Variants in GLRA3 observed in about 807,000 individuals in gnomAD.
GLRA3 encodes glycine receptor alpha 3.
GLRA3 carries 44 observed loss-of-function variants against 60.4 expected under a neutral mutation model. The ratio of observed to expected loss-of-function variants is 0.73; its 90% CI spans 0.57 to 0.94. The LOEUF (loss-of-function observed/expected upper bound fraction) is 0.94. GLRA3 is among the 40% of genes least tolerant of loss of function. The probability of loss-of-function intolerance (pLI) is 0.00; values close to 1 mark genes in which losing one functional copy is unlikely to be tolerated. For synonymous variants in GLRA3, 223 were observed against 192.9 expected (o/e 1.16, Z -1.29); for missense variants, 508 against 564.6 (o/e 0.90, Z 1.02).
At chr4:174,736,682 G>A (rs1457490333) in intron 3 of GLRA3, among the ~76,000 whole-genome samples, 1 of 152,138 alleles carries the variant, frequency 6.6e-6, no homozygotes, top group Non-Finnish European at 1.5e-5. Flanking sequence ...GGGCCTTTTT[G>A]AGAGAATTAT....
chr4:174,759,521 C>A (rs1462890316), intron 3 of GLRA3, among the ~76,000 whole-genome samples: 1 of 152,052 alleles, frequency 6.6e-6, no homozygotes, highest in Non-Finnish European at 1.5e-5. Flanking sequence ...CCCCAGTGCT[C>A]ATCTTTATAT....
At chr4:174,726,125 C>CTAGG (rs1425770996) in intron 4 of GLRA3, among the ~76,000 whole-genome samples, 2 of 152,174 alleles carry the variant, frequency 1.3e-5, no homozygotes, top group Non-Finnish European at 2.9e-5. Flanking sequence ...CTCAGAACTG[C>CTAGG]TAGGTGATGT....
chr4:174,819,803 T>A (rs1367981176), intron 1 of GLRA3, among the ~76,000 whole-genome samples: 1 of 152,158 alleles, frequency 6.6e-6, no homozygotes, highest in Non-Finnish European at 1.5e-5. Flanking sequence ...GAGATTCTGA[T>A]CCCAGAACTC....
At chr4:174,710,560 C>T (rs4695953) in intron 5 of GLRA3, among the ~76,000 whole-genome samples, 32,399 of 152,054 alleles carry the variant, frequency 0.21, 3,822 homozygotes, top group South Asian at 0.33. Flanking sequence ...ATTGTCTCCG[C>T]TCTTGGAAAT....
At chr4:174,710,157 G>A (rs1020263016) in intron 5 of GLRA3, among the ~76,000 whole-genome samples, 2 of 151,630 alleles carry the variant, frequency 1.3e-5, no homozygotes, top group African/African-American at 4.8e-5. Flanking sequence ...CTCTTTTGGT[G>A]GTCGTTTTCT....
intron 5 of GLRA3, among the ~76,000 whole-genome samples, chr4:174,688,706 G>T (rs1734664583): frequency 6.6e-6 from 1 of 151,190 alleles, no homozygotes; most frequent in African/African-American, 2.4e-5. Flanking sequence ...CTTATATGTT[G>T]AAGGTAGTTG....
chr4:174,729,794 G>A (rs1736484020), intron 3 of GLRA3, among the ~76,000 whole-genome samples: 1 of 152,204 alleles, frequency 6.6e-6, no homozygotes. Context: ...AGCCAAGGCT[G>A]AAGATACTCA....
chr4:174,721,711 A>G (rs1736135959), intron 4 of GLRA3, among the ~76,000 whole-genome samples: 1 of 151,510 alleles, frequency 6.6e-6, no homozygotes. Flanking sequence ...ATATCTATAT[A>G]TCTAAGACAG....
intron 2 of GLRA3, 128 bp downstream of exon 2, chr4:174,788,688 G>C (rs1739215298): frequency 7.8e-6 from 4 of 509,580 alleles, no homozygotes; most frequent in Admixed American, 4.1e-5. Flanking sequence ...AGACACCTTG[G>C]TGACTAATGC....
At chr4:174,818,499 C>G (rs1164675647) in intron 1 of GLRA3, among the ~76,000 whole-genome samples, 1 of 152,136 alleles carries the variant, frequency 6.6e-6, no homozygotes, top group East Asian at 1.9e-4. Context: ...AAACCTAATT[C>G]TCCACTATAG....
chr4:174,752,122 G>C (rs985000025), intron 3 of GLRA3, among the ~76,000 whole-genome samples: 9 of 152,080 alleles, frequency 5.9e-5, no homozygotes, highest in Non-Finnish European at 1.2e-4. Flanking sequence ...AATATGAAAA[G>C]AAGTAAAGTA....
rs1732653707 is a variant in GLRA3, at chr4:174,642,601, T to G, written c.*1185A>C. ...AATCCCATGGGGTCATTGAAAAATT[T>G]TATGTAAAAATTTCATTTAAAATTA... On this transcript the variant is annotated 3_prime_UTR_variant, in exon 10 of 10. Transcript: ENST00000274093. 2.1e-6 allele frequency: 2 copies of G among 944,774 alleles called. No individual in the cohort carries two copies. The highest frequency in any genetic ancestry group is 2.5e-6 in the Non-Finnish European group (2 of 793,014). 58.5% of individuals were successfully genotyped at this position (944,774 alleles called of 1,614,324 possible).
At chr4:174,756,242 T>A (rs761602591) in intron 3 of GLRA3, among the ~76,000 whole-genome samples, 2 of 152,152 alleles carry the variant, frequency 1.3e-5, no homozygotes, top group Non-Finnish European at 2.9e-5. Flanking sequence ...AGGAACACTT[T>A]CAACATAGTT....
intron 1 of GLRA3, among the ~76,000 whole-genome samples, chr4:174,798,797 G>C (rs540933761): frequency 3.3e-5 from 5 of 152,198 alleles, no homozygotes; most frequent in East Asian, 3.9e-4. Context: ...GGTGGTGAGC[G>C]CCTGTAGTCC....
At chr4:174,814,707 C>T (rs555171131) in intron 1 of GLRA3, among the ~76,000 whole-genome samples, 11 of 152,196 alleles carry the variant, frequency 7.2e-5, no homozygotes, top group Non-Finnish European at 1.5e-4. Context: ...CTTTTAAAAC[C>T]ATCAGATCTG....
rs1212196866 is a variant in GLRA3, at chr4:174,637,905, T to C, written c.*5881A>G. 2 of 152,058 alleles carry C rather than the reference T, an allele frequency of 1.3e-5. No homozygotes were observed. Among genetic ancestry groups the C allele is most frequent in the African/African-American group, 4.8e-5 (2 of 41,328 alleles). 9.4% of individuals were successfully genotyped at this position (152,058 alleles called of 1,614,324 possible). A position where few individuals can be genotyped will look rare whatever the true frequency, so the allele number is the denominator to read the frequency against. On this transcript the variant is annotated 3_prime_UTR_variant, in exon 10 of 10. Transcript: ENST00000274093. ...TGTAGATAATTAATTTTATATTTCA[T>C]TATTTTATAAGCCTGAAAATATCTC...
At chr4:174,819,620 A>C (rs17060923) in intron 1 of GLRA3, among the ~76,000 whole-genome samples, 19,126 of 152,152 alleles carry the variant, frequency 0.13, 1,359 homozygotes, top group East Asian at 0.28. Context: ...CATTATTACT[A>C]TTTCGGGTAG....
chr4:174,729,198 G>A (rs1736456007), intron 3 of GLRA3, among the ~76,000 whole-genome samples: 1 of 152,228 alleles, frequency 6.6e-6, no homozygotes, highest in African/African-American at 2.4e-5. Flanking sequence ...TAAAATGTTG[G>A]AATGCTGTTA....
At chr4:174,653,683 C>T (rs114146707) in intron 9 of GLRA3, among the ~76,000 whole-genome samples, 1,573 of 152,020 alleles carry the variant, frequency 0.01, 33 homozygotes, top group African/African-American at 0.036. Flanking sequence ...CTATATCTAG[C>T]ATAATATGTT....
Sources: allele counts gnomAD v4.1 joint callset (sites outside exome capture counted in the v4.1 genomes callset), GRCh38; gene constraint gnomAD v4.1.1; transcripts MANE v1.5; gene names NCBI Gene and HGNC (gene_info 2026-07-23, HGNC 2026-07-21).